The following PDE4B variants were observed in gnomAD, a reference collection of about 807,000 sequenced individuals.
PDE4B encodes 3',5'-cyclic-AMP phosphodiesterase 4B.
PDE4B carries 20 observed loss-of-function variants against 82.2 expected under a neutral mutation model. That is an observed-to-expected ratio of 0.24 (90% CI 0.17 to 0.35). The LOEUF (loss-of-function observed/expected upper bound fraction) is 0.35, where lower values mean the gene tolerates loss of function less well. PDE4B is among the 10% of genes least tolerant of loss of function. The pLI, the probability that PDE4B is intolerant of heterozygous loss-of-function variation, is 1.00. For synonymous variants in PDE4B, 320 were observed against 318.9 expected (o/e 1.00, Z -0.04); for missense variants, 655 against 907.2 (o/e 0.72, Z 3.57).
Position 66,290,931 on chromosome 1 carries a change from G to A in PDE4B, c.634+24844G>A, listed in dbSNP as rs115678147. ...ATGGCTGACTTTAAGCCTCAATTCT[G>A]GAAGAGGTCCAAACTGGATGCTTTG... On this transcript the variant is annotated intron_variant, in intron 7 of 16. Coordinates refer to ENST00000341517, the MANE Select transcript of PDE4B (RefSeq NM_002600.4). Among the ~76,000 whole-genome samples, 497 of 152,174 alleles carry A rather than the reference G, an allele frequency of 3.3e-3. 2 individuals carry two copies. The highest frequency in any genetic ancestry group is 0.011 in the African/African-American group (473 of 41,530).
intron 1 of PDE4B, among the ~76,000 whole-genome samples, chr1:65,884,253 T>A (rs1410962238): frequency 1.3e-5 from 2 of 152,170 alleles, no homozygotes; most frequent in Non-Finnish European, 2.9e-5. Context: ...TCCTTGTACC[T>A]CTGGTAGAAT....
intron 8 of PDE4B, among the ~76,000 whole-genome samples, chr1:66,344,500 G>C (rs985174575): frequency 3.3e-5 from 5 of 152,082 alleles, no homozygotes; most frequent in African/African-American, 1.2e-4. Flanking sequence ...TTAAGATAAA[G>C]TCATTGTCTA....
chr1:65,801,998 C>G (rs1240298218), intron 1 of PDE4B, among the ~76,000 whole-genome samples: 1 of 152,094 alleles, frequency 6.6e-6, no homozygotes, highest in African/African-American at 2.4e-5. Flanking sequence ...TACAGACTCT[C>G]CATTTGGATT....
rs566600227 is a variant in PDE4B, at chr1:66,302,564, C to T, written c.635-29944C>T. Among the ~76,000 whole-genome samples, 118 of 152,252 alleles carry T rather than the reference C, an allele frequency of 7.8e-4. 1 individual carries two copies. Among genetic ancestry groups the T allele is most frequent in the Non-Finnish European group, 1.5e-3 (105 of 68,000 alleles). ...TGTTTTAGAGGTTACAAAGCACTTT[C>T]CCACATGTAGTCTCATTGAATTACT... On this transcript the variant is annotated intron_variant, in intron 7 of 16. Transcript: ENST00000341517.
intron 3 of PDE4B, among the ~76,000 whole-genome samples, chr1:66,051,157 T>C (rs1251807278): frequency 1.3e-5 from 2 of 152,110 alleles, no homozygotes; most frequent in South Asian, 2.1e-4. Flanking sequence ...TGTATACATA[T>C]GTAACAAACC....
At chr1:66,220,714 T>A (rs575595810) in intron 3 of PDE4B, among the ~76,000 whole-genome samples, 3 of 152,290 alleles carry the variant, frequency 2.0e-5, no homozygotes, top group Middle Eastern at 3.4e-3. Context: ...CTGTGACTGA[T>A]TTGGCAAATT....
chr1:66,164,071 C>T (rs1050993121), intron 3 of PDE4B, among the ~76,000 whole-genome samples: 3 of 152,094 alleles, frequency 2.0e-5, no homozygotes, highest in African/African-American at 7.2e-5. Context: ...CTGATGTTAC[C>T]CAGCCCTCTC....
chr1:65,871,153 G>A (rs1269598771), intron 1 of PDE4B, among the ~76,000 whole-genome samples: 1 of 152,170 alleles, frequency 6.6e-6, no homozygotes, highest in Non-Finnish European at 1.5e-5. Flanking sequence ...CTATTAGGGT[G>A]AGTCCTAGAG....
At chr1:66,267,216 C>T (rs1429906355) in intron 7 of PDE4B, 3 of 152,464 alleles carry the variant, frequency 2.0e-5, no homozygotes, top group Non-Finnish European at 4.4e-5. Flanking sequence ...TCTAGAGCCT[C>T]GTAATATGAA....
chr1:66,185,298 C>T (rs1004317599), intron 3 of PDE4B, among the ~76,000 whole-genome samples: 9 of 152,324 alleles, frequency 5.9e-5, no homozygotes, highest in African/African-American at 2.2e-4. Context: ...CCGCAATAAA[C>T]ATACGTGTGC....
At chr1:66,204,662 A>G (rs1172929064) in intron 3 of PDE4B, among the ~76,000 whole-genome samples, 1 of 152,312 alleles carries the variant, frequency 6.6e-6, no homozygotes, top group South Asian at 2.1e-4. Flanking sequence ...GCAGGATATA[A>G]TCTCCTGGTG....
intron 3 of PDE4B, among the ~76,000 whole-genome samples, chr1:65,962,592 C>T (rs1027571937): frequency 3.3e-5 from 5 of 152,052 alleles, no homozygotes; most frequent in African/African-American, 1.2e-4. Context: ...TTGGGTGGCT[C>T]AAGAGGTCAT....
chr1:66,235,769 T>A (rs1652361598), intron 3 of PDE4B, among the ~76,000 whole-genome samples: 1 of 151,776 alleles, frequency 6.6e-6, no homozygotes, highest in Non-Finnish European at 1.5e-5. Flanking sequence ...TCCATTCTGT[T>A]GAAAAAAAAT....
intron 3 of PDE4B, among the ~76,000 whole-genome samples, chr1:66,053,295 T>C (rs886393774): frequency 1.3e-5 from 2 of 152,232 alleles, no homozygotes; most frequent in East Asian, 1.9e-4. Context: ...TCTCACTTAA[T>C]TTAAGCCTCA....
At chr1:66,365,622 T>C in intron 12 of PDE4B, 45 bp from the exon 13 acceptor site, 1 of 1,094,916 alleles carries the variant, frequency 9.1e-7, no homozygotes, top group Non-Finnish European at 1.4e-6. Flanking sequence ...ATAAGCAGGA[T>C]AGGCGAATTG....
intron 7 of PDE4B, 109 bp from the exon 8 acceptor site, chr1:66,332,399 C>G (rs146117440): frequency 3.9e-5 from 63 of 1,613,830 alleles, no homozygotes; most frequent in Admixed American, 5.0e-5. Context: ...AATGAAGGAG[C>G]ACGGGGGCAC....
At chr1:65,901,465 G>A (rs981874130) in intron 1 of PDE4B, among the ~76,000 whole-genome samples, 1 of 152,060 alleles carries the variant, frequency 6.6e-6, no homozygotes, top group African/African-American at 2.4e-5. Context: ...TTCATAGAAT[G>A]AATTAGGGAG....
chr1:65,846,771 A>C (rs908292093), intron 1 of PDE4B, among the ~76,000 whole-genome samples: 6 of 152,192 alleles, frequency 3.9e-5, no homozygotes, highest in Non-Finnish European at 8.8e-5. Flanking sequence ...AGAGAGGAAT[A>C]GTTTTCATTT....
At chr1:65,938,571 C>A (rs1485337491) in intron 3 of PDE4B, among the ~76,000 whole-genome samples, 1 of 152,150 alleles carries the variant, frequency 6.6e-6, no homozygotes, top group Non-Finnish European at 1.5e-5. Context: ...ATGGCCTGTG[C>A]CCTTTCCTTA....
Sources: gnomAD v4.1 joint callset for allele counts (sites outside exome capture counted in the v4.1 genomes callset) on GRCh38, gnomAD v4.1.1 for gene constraint, MANE v1.5 for transcripts, NCBI Gene and HGNC (gene_info 2026-07-23, HGNC 2026-07-21) for gene names.